Variants in SYNJ2 observed in about 807,000 individuals in gnomAD.
The protein encoded by SYNJ2 is polyphosphatidylinositol phosphatase SYNJ2.
SYNJ2 carries 116 observed loss-of-function variants against 141.3 expected under a neutral mutation model. That is an observed-to-expected ratio of 0.82 (90% CI 0.71 to 0.96). The LOEUF (loss-of-function observed/expected upper bound fraction) is 0.96. Ranked by LOEUF, SYNJ2 falls within the 40% of genes least tolerant of loss-of-function variation. The pLI is 0.00. For synonymous variants in SYNJ2, 745 were observed against 777.7 expected (o/e 0.96, Z 0.70); for missense variants, 1,873 against 1,934.8 (o/e 0.97, Z 0.60).
At chr6:158,005,045 G>A (rs190197948) in intron 1 of SYNJ2, among the ~76,000 whole-genome samples, 1 of 148,404 alleles carries the variant, frequency 6.7e-6, no homozygotes, top group African/African-American at 2.5e-5. Flanking sequence ...CTTTCACCTT[G>A]TCACTCATCC....
At chr6:158,088,033 AATTTTTTTTTTTTTTT>A (rs1783183950) in intron 23 of SYNJ2, among the ~76,000 whole-genome samples, 1 of 36,864 alleles carries the variant, frequency 2.7e-5, no homozygotes, top group African/African-American at 9.1e-5. Context: ...CCTGCTTTGG[AATTTTTTTTTTTTTTT>A]TTTTTTTTTT....
intron 15 of SYNJ2, among the ~76,000 whole-genome samples, chr6:158,072,446 C>T (rs927037798): frequency 1.1e-4 from 17 of 152,220 alleles, no homozygotes; most frequent in Admixed American, 7.2e-4. Flanking sequence ...ACAGCTTCAG[C>T]GTGTGGTGCA....
chr6:157,997,018 A>G (rs1286181690), intron 1 of SYNJ2, among the ~76,000 whole-genome samples: 2 of 97,414 alleles, frequency 2.1e-5, no homozygotes, highest in African/African-American at 7.5e-5. Flanking sequence ...CCGTCTCCCC[A>G]CCTACCCCAC....
At chr6:158,065,522 T>C (rs1054295240) in intron 11 of SYNJ2, among the ~76,000 whole-genome samples, 2 of 152,212 alleles carry the variant, frequency 1.3e-5, no homozygotes, top group Admixed American at 1.3e-4. Context: ...TTTGGGAGCA[T>C]TTTAATGGCA....
chr6:158,041,089 C>T (rs930401351), intron 4 of SYNJ2, among the ~76,000 whole-genome samples: 7 of 152,178 alleles, frequency 4.6e-5, no homozygotes, highest in Non-Finnish European at 1.0e-4. Context: ...CTCATTTACC[C>T]CTCACAGCTC....
intron 5 of SYNJ2, among the ~76,000 whole-genome samples, chr6:158,048,272 C>G (rs1016386699): frequency 6.6e-6 from 1 of 152,118 alleles, no homozygotes; most frequent in Non-Finnish European, 1.5e-5. Context: ...AGGGTCCAGA[C>G]TGGGGAGGGG....
rs1783901784 is a variant in SYNJ2 at position 158,098,526 on chromosome 6, A to G, written c.*2162A>G. The G allele has an allele frequency of 1.3e-5, 2 of 150,032 alleles. No individual in the cohort carries two copies. Among genetic ancestry groups the G allele is most frequent in the African/African-American group, 2.5e-5 (1 of 40,618 alleles). 9.3% of individuals were successfully genotyped at this position (150,032 alleles called of 1,614,324 possible). ...TGGTAGTAGGTATGGTTCTCATACC[A>G]GAATTCTCTTAAAAAAAAAAAAAAG... On this transcript the variant is annotated 3_prime_UTR_variant, in exon 27 of 27. Coordinates refer to ENST00000355585, the MANE Select transcript of SYNJ2 (RefSeq NM_003898.4).
rs1783803164 is a variant in SYNJ2 at position 158,096,390 on chromosome 6, C to T, written c.*26C>T. 1 of 1,552,948 alleles carries T rather than the reference C, an allele frequency of 6.4e-7. No homozygotes were observed. The highest frequency in any genetic ancestry group is 8.7e-7 in the Non-Finnish European group (1 of 1,154,700). On this transcript the variant is annotated 3_prime_UTR_variant, in exon 27 of 27. Transcript: ENST00000355585. Reference sequence around the variant, plus strand: ...CTGAGCAGCTTTGAAGGCTGCAGTCCTATAGAATGCATACCTTCCTCCCTC... The same window carrying T: ...CTGAGCAGCTTTGAAGGCTGCAGTCTTATAGAATGCATACCTTCCTCCCTC...
chr6:158,019,320 C>G lies in SYNJ2; in HGVS notation c.214+2030C>G, dbSNP rs564728591. On this transcript the variant is annotated intron_variant, in intron 2 of 26. Coordinates refer to ENST00000355585, the MANE Select transcript of SYNJ2 (RefSeq NM_003898.4). ...CGGCACCAGGGACTGCCTTCAACCA[C>G]CAGGCTGTTCTCCTTTCTGAAAGGG... Among the ~76,000 whole-genome samples, 20 of 152,360 alleles carry G rather than the reference C, an allele frequency of 1.3e-4. No homozygotes were observed. In the South Asian group the frequency reaches 3.9e-3, roughly 30 times the overall value.
chr6:158,063,971 G>A (rs1372832286), intron 9 of SYNJ2, 99 bp downstream of exon 9: 5 of 1,249,008 alleles, frequency 4.0e-6, no homozygotes, highest in South Asian at 1.3e-5. Context: ...GATGAGGGTG[G>A]CATCACCAAG....
chr6:157,991,538 G>A (rs1453121996), intron 1 of SYNJ2, among the ~76,000 whole-genome samples: 2 of 152,138 alleles, frequency 1.3e-5, no homozygotes, highest in Non-Finnish European at 2.9e-5. Context: ...TAATTGCTCC[G>A]GGCCCCAATA....
intron 16 of SYNJ2, among the ~76,000 whole-genome samples, 185 bp downstream of exon 16, chr6:158,074,923 C>CT (rs66487650): frequency 0.067 from 9,540 of 142,500 alleles, 385 homozygotes; most frequent in Non-Finnish European, 0.084. Flanking sequence ...ACTTCCTGTC[C>CT]TTTTTTTTTT....
In SYNJ2 at chr6:157,986,190, G is replaced by A. The variant is rs779799633; in HGVS notation, c.127+4102G>A. Among the ~76,000 whole-genome samples, 63 of 152,154 alleles carry A rather than the reference G, an allele frequency of 4.1e-4. 1 individual carries two copies. The highest frequency in any genetic ancestry group is 7.9e-4 in the Non-Finnish European group (54 of 68,030). Reference sequence around the variant, plus strand: ...ACAGGTAGGACCAGGCAAGGGTTCCGGGGCCCCTGACGTGGGAAACTAGAG... The same window carrying A: ...ACAGGTAGGACCAGGCAAGGGTTCCAGGGCCCCTGACGTGGGAAACTAGAG... On this transcript the variant is annotated intron_variant, in intron 1 of 26. Coordinates refer to ENST00000355585, the MANE Select transcript of SYNJ2 (RefSeq NM_003898.4).
At position 158,053,863 on chromosome 6, in the gene SYNJ2, T is replaced by C. The variant is rs545000299; in HGVS notation, c.796-1104T>C. On this transcript the variant is annotated intron_variant, in intron 5 of 26. Transcript: ENST00000355585. ...ATCCATCCTCACATTCACCTGTCCA[T>C]CCATCCACCCACCTATCCATCTACT... Among the ~76,000 whole-genome samples the C allele has an allele frequency of 1.7e-4, 25 of 149,056 alleles. No individual in the cohort carries two copies. The East Asian group carries it at 4.5e-3, about 27-fold the overall frequency.
In SYNJ2 at chr6:158,064,649, G is replaced by A. The variant is rs181805875; in HGVS notation, c.1258G>A (p.Val420Ile). ...KTLGLSSKPI[V>I]DRFVESFKAM... Reference sequence around the variant, plus strand: ...CCTGGGGCTGAGTTCAAAACCCATCGTTGACCGCTTTGTGGAGTCCTTCAA... The same window carrying A: ...CCTGGGGCTGAGTTCAAAACCCATCATTGACCGCTTTGTGGAGTCCTTCAA... Residue 420 changes from valine to isoleucine, a missense_variant, in exon 10 of 27, where the codon GTT (valine) becomes ATT (isoleucine). By Grantham distance (29) the Val-to-Ile change is conservative. Transcript: ENST00000355585. 20 of 1,613,978 alleles carry A rather than the reference G, an allele frequency of 1.2e-5. No homozygotes were observed. The highest frequency in any genetic ancestry group is 8.3e-5 in the Admixed American group (5 of 60,002).
chr6:158,058,123 G>C (rs1047637898), intron 6 of SYNJ2, among the ~76,000 whole-genome samples: 1 of 152,102 alleles, frequency 6.6e-6, no homozygotes, highest in Non-Finnish European at 1.5e-5. Context: ...TCATAAACGT[G>C]TCATTACAGA....
At position 158,056,466 on chromosome 6, in the gene SYNJ2, T is replaced by C. The variant is rs115320587; in HGVS notation, c.857+1438T>C. ...CAGGAAGTCTCTTCTGTAATGCTTC[T>C]TACCCACGACACTGGGCTGGAGGCA... On this transcript the variant is annotated intron_variant, in intron 6 of 26. Coordinates refer to ENST00000355585, the MANE Select transcript of SYNJ2 (RefSeq NM_003898.4). Among the ~76,000 whole-genome samples, 353 of 152,322 alleles carry C rather than the reference T, an allele frequency of 2.3e-3. 4 individuals carry two copies. The highest frequency in any genetic ancestry group is 8.3e-3 in the African/African-American group (345 of 41,578).
intron 20 of SYNJ2, among the ~76,000 whole-genome samples, chr6:158,082,611 G>A (rs1002429489): frequency 1.3e-5 from 2 of 152,056 alleles, no homozygotes; most frequent in Non-Finnish European, 2.9e-5. Context: ...ACAGTGAGCT[G>A]AGATCGTGCC....
chr6:158,006,613 C>T (rs1778079065), intron 1 of SYNJ2, among the ~76,000 whole-genome samples: 3 of 152,214 alleles, frequency 2.0e-5, no homozygotes, highest in Admixed American at 2.0e-4. Flanking sequence ...GGGATCCCCT[C>T]CAACCTCATG....
Sources: gnomAD v4.1 joint callset for allele counts (sites outside exome capture counted in the v4.1 genomes callset) on GRCh38, gnomAD v4.1.1 for gene constraint, MANE v1.5 for transcripts, NCBI Gene and HGNC (gene_info 2026-07-23, HGNC 2026-07-21) for gene names.